The following MAP6 variants were observed in gnomAD, a reference collection of about 807,000 sequenced individuals.
MAP6 encodes the protein microtubule associated protein 6, also known as microtubule-associated protein 6.
A neutral mutation model predicts 42.4 loss-of-function variants in MAP6; 26 were observed. That is an observed-to-expected ratio of 0.61 (90% CI 0.45 to 0.85). The LOEUF (loss-of-function observed/expected upper bound fraction) is 0.85. MAP6 is among the 40% of genes least tolerant of loss of function. MAP6 has a pLI of 0.00. For synonymous variants in MAP6, 418 were observed against 443.8 expected (o/e 0.94, Z 0.73); for missense variants, 966 against 1,099.0 (o/e 0.88, Z 1.71).
chr11:75,587,990 A>C lies in MAP6; in HGVS notation c.1511T>G (p.Val504Gly), dbSNP rs746992517. The C allele has an allele frequency of 1.9e-6, 3 of 1,614,064 alleles. No homozygotes were observed. The highest frequency in any genetic ancestry group is 8.5e-7 in the Non-Finnish European group (1 of 1,180,004). Residue 504 changes from valine (V) to glycine (G), a missense_variant, in exon 4 of 4, where the codon GTC becomes GGC. By Grantham distance (109) the Val-to-Gly change is moderately radical. Coordinates refer to ENST00000304771, the MANE Select transcript of MAP6 (RefSeq NM_033063.2). The stretch of plus-strand genomic sequence containing the variant: ...AGGGACCGTGTGATCTTGATCCTTG[A>C]CTGGTAATGGGATCATGGGACCTAG... ...KDLGPMIPLP[V>G]KDQDHTVPEP...
rs635025 is a variant in MAP6, at chr11:75,587,616, C to T, written c.1885G>A (p.Gly629Ser). Reference protein sequence around the residue: ...PIVPAPVKDEGPMVSAPIKDQ... With the variant: ...PIVPAPVKDESPMVSAPIKDQ... Reference sequence around the variant, plus strand: ...TTGATAGGTGCTGAGACCATGGGACCTTCATCCTTGACAGGTGCTGGGACT... The same window carrying T: ...TTGATAGGTGCTGAGACCATGGGACTTTCATCCTTGACAGGTGCTGGGACT... Residue 629 changes from glycine to serine, a missense_variant, in exon 4 of 4, where the codon GGT becomes AGT. Physicochemically the swap from Gly to Ser is moderately conservative, Grantham distance 56 (BLOSUM62 0). Coordinates refer to ENST00000304771, the MANE Select transcript of MAP6 (RefSeq NM_033063.2). The T allele has an allele frequency of 1.2e-6, 2 of 1,614,104 alleles. No individual in the cohort carries two copies. Among genetic ancestry groups the T allele is most frequent in the African/African-American group, 1.3e-5 (1 of 75,028 alleles).
chr11:75,588,535 C>T lies in MAP6; in HGVS notation c.1317-351G>A, dbSNP rs114964151. On this transcript the variant is annotated intron_variant, in intron 3 of 3. Coordinates refer to ENST00000304771, the MANE Select transcript of MAP6 (RefSeq NM_033063.2). Reference sequence around the variant, plus strand: ...GTCCACCCCACATTCCATCCAGGTCCCTACTTTTTCTTCTAGGATCGTTGG... The same window carrying T: ...GTCCACCCCACATTCCATCCAGGTCTCTACTTTTTCTTCTAGGATCGTTGG... Among the ~76,000 whole-genome samples, 730 of 152,274 alleles carry T rather than the reference C, an allele frequency of 4.8e-3. 7 individuals carry two copies. Among genetic ancestry groups the T allele is most frequent in the African/African-American group, 0.017 (689 of 41,550 alleles).
rs759622927 is a variant in MAP6, at chr11:75,588,082, A to G, written c.1419T>C (p.Gly473=). Residue 473 remains glycine (G), a synonymous_variant, in exon 4 of 4, where the codon GGT becomes GGC. Coordinates refer to ENST00000304771, the MANE Select transcript of MAP6 (RefSeq NM_033063.2). ...QGSVVPGLLK[G]QGPMVQEPLK... is the part of the protein sequence containing the mutation. ...GAGGCTCTTGCACCATAGGACCTTGACCTTTCAGAAGGCCTGGGACCACAG... is the reference window on the plus strand; with the variant it reads ...GAGGCTCTTGCACCATAGGACCTTGGCCTTTCAGAAGGCCTGGGACCACAG... 6.2e-7 allele frequency: 1 copy of G among 1,614,012 alleles called. No homozygotes were observed. The highest frequency in any genetic ancestry group is 8.5e-7 in the Non-Finnish European group (1 of 1,180,024).
intron 1 of MAP6, among the ~76,000 whole-genome samples, chr11:75,655,534 G>T (rs1441093156): frequency 6.6e-6 from 1 of 152,234 alleles, no homozygotes; most frequent in African/African-American, 2.4e-5. Flanking sequence ...CATCAGATTG[G>T]TCAGATAATG....
intron 3 of MAP6, among the ~76,000 whole-genome samples, chr11:75,602,566 G>A (rs1942681228): frequency 6.6e-6 from 1 of 152,232 alleles, no homozygotes; most frequent in Non-Finnish European, 1.5e-5. Flanking sequence ...GCCTCCCAGT[G>A]TGGCAAGGTG....
At chr11:75,616,589 C>CTATA (rs1942998223) in intron 1 of MAP6, among the ~76,000 whole-genome samples, 1 of 152,144 alleles carries the variant, frequency 6.6e-6, no homozygotes, top group Admixed American at 6.5e-5. Flanking sequence ...GAAGTAGGAT[C>CTATA]TATAGATTAA....
chr11:75,632,001 A>G (rs776109372), intron 1 of MAP6, among the ~76,000 whole-genome samples: 2 of 152,234 alleles, frequency 1.3e-5, no homozygotes, highest in African/African-American at 4.8e-5. Flanking sequence ...CTTTAAATCC[A>G]TCAATTTAAT....
intron 1 of MAP6, among the ~76,000 whole-genome samples, chr11:75,622,884 T>C (rs938932450): frequency 1.3e-5 from 2 of 152,224 alleles, no homozygotes; most frequent in Non-Finnish European, 2.9e-5. Flanking sequence ...TGTTAAATTT[T>C]CAGGAATTTA....
chr11:75,635,178 G>T (rs1943348430), intron 1 of MAP6, among the ~76,000 whole-genome samples: 1 of 152,204 alleles, frequency 6.6e-6, no homozygotes, highest in South Asian at 2.1e-4. Flanking sequence ...CTTGGAGGCA[G>T]CCTGCCTGGG....
At chr11:75,635,843 T>C (rs1049422487) in intron 1 of MAP6, 1 of 152,218 alleles carries the variant, frequency 6.6e-6, no homozygotes, top group Admixed American at 6.5e-5. Flanking sequence ...GCTACGCCCG[T>C]GTAAGGAGCT....
chr11:75,623,398 T>C (rs1943143650), intron 1 of MAP6, among the ~76,000 whole-genome samples: 1 of 152,290 alleles, frequency 6.6e-6, no homozygotes, highest in African/African-American at 2.4e-5. Flanking sequence ...CATGAAAATA[T>C]ACACTTAAAA....
intron 1 of MAP6, among the ~76,000 whole-genome samples, chr11:75,643,364 T>C (rs1943507344): frequency 6.6e-6 from 1 of 152,198 alleles, no homozygotes; most frequent in Non-Finnish European, 1.5e-5. Flanking sequence ...GCCTATACTA[T>C]AAATCCTTGA....
intron 3 of MAP6, chr11:75,602,750 C>T: frequency 1.2e-6 from 1 of 830,684 alleles, no homozygotes. Context: ...ATGGAGAGCC[C>T]CAGGAAGACT....
intron 1 of MAP6, among the ~76,000 whole-genome samples, chr11:75,629,361 T>C (rs1943247704): frequency 6.6e-5 from 10 of 151,860 alleles, no homozygotes; most frequent in Admixed American, 6.6e-4. Flanking sequence ...GTGCTGGGAT[T>C]ACAGGCATGA....
At chr11:75,602,759 C>T in intron 3 of MAP6, 1 of 880,508 alleles carries the variant, frequency 1.1e-6, no homozygotes. Context: ...CCCAGGAAGA[C>T]TGCAGGGCAC....
At chr11:75,588,268 G>A in intron 3 of MAP6, 84 bp from the exon 4 acceptor site, 1 of 1,274,506 alleles carries the variant, frequency 7.8e-7, no homozygotes, top group East Asian at 2.3e-5. Flanking sequence ...ATAAGTCTTG[G>A]CCTAGTGGAG....
Position 75,667,728 on chromosome 11 carries a change from C to T in MAP6, c.642G>A (p.Glu214=). The change falls in exon 1 of 4, where the codon GAG becomes GAA. Residue 214 remains glutamate (E), a synonymous_variant. Coordinates refer to ENST00000304771, the MANE Select transcript of MAP6 (RefSeq NM_033063.2). This position sits in a 1 kb window ranked among gnomAD's most constrained non-coding sequence, Gnocchi z 5.6. ...CCGCTCCGCCGGGGGCCGCCTCCTG[C>T]TCCCGGGCCTCAGCGGCGGCCTGCA... ...WPVQAAAEAR[E]QEAAPGGAGG... The T allele has an allele frequency of 7.7e-7, 1 of 1,297,628 alleles. No individual in the cohort carries two copies. Among genetic ancestry groups the T allele is most frequent in the Non-Finnish European group, 9.8e-7 (1 of 1,025,462 alleles). 80.4% of individuals were successfully genotyped at this position (1,297,628 alleles called of 1,614,324 possible).
Position 75,667,583 on chromosome 11 carries a change from C to G in MAP6, c.787G>C (p.Ala263Pro). 7.2e-7 allele frequency: 1 copy of G among 1,394,880 alleles called. No individual in the cohort carries two copies. The highest frequency in any genetic ancestry group is 9.2e-7 in the Non-Finnish European group (1 of 1,084,588). The allele number at this position is 1,394,880 out of a possible 1,614,324, so 86.4% of individuals were successfully genotyped here. The change falls in exon 1 of 4, where the codon GCG becomes CCG. Residue 263 changes from alanine (A) to proline (P), a missense_variant. This residue lies in a region of MAP6 where 943 missense variants were observed against 1,049.9 expected (regional missense o/e 0.90). Transcript: ENST00000304771. This position sits in a 1 kb window ranked among gnomAD's most constrained non-coding sequence, Gnocchi z 5.6. ...GLGHEQTPLP[A>P]AQAQVQATGP... is the part of the protein sequence containing the mutation. Reference sequence around the variant, plus strand: ...GTGGCCTGGACCTGGGCCTGGGCCGCGGGCAGCGGCGTCTGCTCGTGCCCC... The same window carrying G: ...GTGGCCTGGACCTGGGCCTGGGCCGGGGGCAGCGGCGTCTGCTCGTGCCCC...
At chr11:75,639,618 C>T (rs183608249) in intron 1 of MAP6, among the ~76,000 whole-genome samples, 5 of 152,138 alleles carry the variant, frequency 3.3e-5, no homozygotes, top group South Asian at 4.1e-4. Context: ...AAAGCTAAAC[C>T]CGACTGAAAG....
Sources: allele counts gnomAD v4.1 joint callset (sites outside exome capture counted in the v4.1 genomes callset), GRCh38; gene constraint gnomAD v4.1.1; regional missense constraint gnomAD v4.1.1; non-coding constraint Gnocchi (gnomAD v3.1); transcripts MANE v1.5; gene names NCBI Gene and HGNC (gene_info 2026-07-23, HGNC 2026-07-21).